Variants in TANGO6 observed in about 807,000 individuals in gnomAD.
TANGO6 encodes transport and golgi organization 6 homolog, also known as transport and Golgi organization protein 6 homolog.
A neutral mutation model predicts 114.2 loss-of-function variants in TANGO6; 90 were observed. The ratio of observed to expected loss-of-function variants is 0.79; its 90% CI spans 0.66 to 0.94. The LOEUF is 0.94. TANGO6 is among the 40% of genes least tolerant of loss of function. The pLI is 0.00. For missense variants in TANGO6, 1,274 were observed against 1,315.3 expected, an observed-to-expected ratio of 0.97 and a Z score of 0.49; for synonymous variants, 477 against 509.8, an observed-to-expected ratio of 0.94 and a Z score of 0.87.
At chr16:68,912,987 T>C (rs531478395) in intron 11 of TANGO6, among the ~76,000 whole-genome samples, 1 of 142,862 alleles carries the variant, frequency 7.0e-6, no homozygotes, top group South Asian at 2.2e-4. Context: ...GGCTGAGGCA[T>C]GAAAAACACT....
chr16:68,960,138 A>G (rs1376609341), intron 14 of TANGO6, among the ~76,000 whole-genome samples: 1 of 152,230 alleles, frequency 6.6e-6, no homozygotes, highest in Non-Finnish European at 1.5e-5. Context: ...CTACATAAAG[A>G]AAATTAAATG....
At chr16:68,847,452 G>A (rs1961830780) in intron 1 of TANGO6, among the ~76,000 whole-genome samples, 1 of 152,168 alleles carries the variant, frequency 6.6e-6, no homozygotes, top group Non-Finnish European at 1.5e-5. Context: ...GTAGAGGGCA[G>A]AGAAGACTAC....
chr16:69,070,378 A>G (rs1258877526), intron 17 of TANGO6, among the ~76,000 whole-genome samples: 1 of 152,026 alleles, frequency 6.6e-6, no homozygotes, highest in Non-Finnish European at 1.5e-5. Context: ...CACGCCTGTA[A>G]TCCCAGCACT....
At chr16:68,851,051 T>C (rs1318609963) in intron 1 of TANGO6, among the ~76,000 whole-genome samples, 15 of 152,352 alleles carry the variant, frequency 9.8e-5, no homozygotes, top group Non-Finnish European at 1.5e-4. Context: ...ATTCTTAAAT[T>C]GCTTCTTTTT....
chr16:68,969,132 C>T (rs890504114), intron 14 of TANGO6, among the ~76,000 whole-genome samples: 7 of 152,166 alleles, frequency 4.6e-5, no homozygotes, highest in African/African-American at 1.4e-4. Flanking sequence ...TAGTTTCCTA[C>T]GGTCAGAGCA....
chr16:68,871,623 A>AT (rs201464501), intron 4 of TANGO6, among the ~76,000 whole-genome samples: 4 of 151,086 alleles, frequency 2.6e-5, no homozygotes, highest in East Asian at 2.0e-4. Context: ...TGTCTTTAAA[A>AT]TTTTTTTTTC....
intron 4 of TANGO6, among the ~76,000 whole-genome samples, chr16:68,870,048 A>C (rs1962244502): frequency 1.3e-5 from 2 of 152,328 alleles, no homozygotes; most frequent in South Asian, 4.1e-4. Flanking sequence ...AGAGAACATG[A>C]TCAAATCTGC....
At chr16:68,875,017 A>G (rs1484874246) in intron 4 of TANGO6, 137 bp from the exon 5 acceptor site, 3 of 842,104 alleles carry the variant, frequency 3.6e-6, no homozygotes, top group Non-Finnish European at 5.1e-6. Context: ...AGGGTAGATT[A>G]TCTTATAGAA....
At chr16:68,964,223 A>G (rs532053898) in intron 14 of TANGO6, among the ~76,000 whole-genome samples, 23 of 152,204 alleles carry the variant, frequency 1.5e-4, no homozygotes, top group African/African-American at 5.1e-4. Context: ...TCTGATCGCT[A>G]TATTATATCT....
chr16:69,007,702 T>TTA (rs920588732), intron 15 of TANGO6, among the ~76,000 whole-genome samples: 1 of 152,242 alleles, frequency 6.6e-6, no homozygotes, highest in Non-Finnish European at 1.5e-5. Context: ...AGTCATATGG[T>TTA]AACTCTATGT....
rs1962795995 is a variant in TANGO6 at position 68,902,341 on chromosome 16, GA to G, written c.1507del (p.Ile503SerfsTer18). ...TTTTTCTGCCAGGTCACTTTGCCAA[GA>G]AATCTTATTATGGATTCTGGGGAAG... ...SVSHIRSLCQ[E>X]ILLWILGKLE... is the part of the protein sequence containing the mutation. On this transcript the variant is annotated frameshift_variant, in exon 9 of 18. Transcript: ENST00000261778. LOFTEE classifies it high-confidence loss of function. 6.2e-7 allele frequency: 1 copy of G among 1,609,534 alleles called. No individual in the cohort carries two copies. The highest frequency in any genetic ancestry group is 1.3e-5 in the African/African-American group (1 of 74,686).
At chr16:68,957,940 G>A (rs1963550017) in intron 14 of TANGO6, among the ~76,000 whole-genome samples, 1 of 152,094 alleles carries the variant, frequency 6.6e-6, no homozygotes, top group South Asian at 2.1e-4. Context: ...GATAGGCTGA[G>A]GAGGGTAGAT....
chr16:68,923,355 A>G (rs1312076164), intron 12 of TANGO6, among the ~76,000 whole-genome samples: 2 of 152,078 alleles, frequency 1.3e-5, no homozygotes, highest in Non-Finnish European at 2.9e-5. Flanking sequence ...GCTGACTTAC[A>G]TATTAGAATC....
chr16:68,945,563 T>A (rs150416889), intron 14 of TANGO6, among the ~76,000 whole-genome samples: 42 of 152,272 alleles, frequency 2.8e-4, no homozygotes, highest in African/African-American at 9.6e-4. Context: ...CCCTAATGGG[T>A]GTGAAGGGGT....
intron 15 of TANGO6, among the ~76,000 whole-genome samples, chr16:68,977,722 G>C (rs1188600335): frequency 6.6e-6 from 1 of 150,904 alleles, no homozygotes; most frequent in Admixed American, 6.6e-5. Flanking sequence ...AAGAGATGGA[G>C]TCACCCAGAC....
intron 5 of TANGO6, among the ~76,000 whole-genome samples, chr16:68,875,985 C>T (rs926121757): frequency 3.3e-5 from 5 of 152,140 alleles, no homozygotes; most frequent in Non-Finnish European, 5.9e-5. Context: ...CTAAGTCTCC[C>T]TACCATTCCT....
intron 15 of TANGO6, among the ~76,000 whole-genome samples, chr16:69,020,218 T>C (rs1959376822): frequency 6.6e-6 from 1 of 152,188 alleles, no homozygotes; most frequent in Non-Finnish European, 1.5e-5. Flanking sequence ...CCCAACTTGA[T>C]CAGGTTTCTA....
At chr16:68,970,109 G>T (rs1284485111) in intron 14 of TANGO6, among the ~76,000 whole-genome samples, 2 of 152,166 alleles carry the variant, frequency 1.3e-5, no homozygotes, top group African/African-American at 4.8e-5. Context: ...TAACTGGCCA[G>T]CCTGGGATAC....
intron 15 of TANGO6, among the ~76,000 whole-genome samples, chr16:69,015,541 G>A (rs1959280775): frequency 6.6e-6 from 1 of 151,454 alleles, no homozygotes; most frequent in Non-Finnish European, 1.5e-5. Flanking sequence ...GAGTGCTGTG[G>A]CATGATCTCG....
Sources: allele counts gnomAD v4.1 joint callset (sites outside exome capture counted in the v4.1 genomes callset), GRCh38; gene constraint gnomAD v4.1.1; transcripts MANE v1.5; gene names NCBI Gene and HGNC (gene_info 2026-07-23, HGNC 2026-07-21).